ANO2: variants seen among roughly 807,000 people sequenced by gnomAD.
ANO2 encodes the protein anoctamin-2.
A neutral mutation model predicts 124.2 loss-of-function variants in ANO2; 101 were observed. The ratio of observed to expected loss-of-function variants is 0.81; its 90% CI spans 0.69 to 0.96. The LOEUF (loss-of-function observed/expected upper bound fraction) is 0.96, where lower values mean the gene tolerates loss of function less well. ANO2 is among the 40% of genes least tolerant of loss of function. The probability of loss-of-function intolerance (pLI) is 0.00; values close to 1 mark genes in which losing one functional copy is unlikely to be tolerated. For synonymous variants in ANO2, 486 were observed against 482.5 expected (o/e 1.01, Z -0.09); for missense variants, 1,293 against 1,274.5 (o/e 1.01, Z -0.22).
At chr12:5,932,925 CAAAGGAGG>C (rs1347718447) in intron 1 of ANO2, among the ~76,000 whole-genome samples, 1 of 152,126 alleles carries the variant, frequency 6.6e-6, no homozygotes, top group Non-Finnish European at 1.5e-5. Context: ...TACCAATGGG[CAAAGGAGG>C]AAAGGAGACT....
intron 10 of ANO2, among the ~76,000 whole-genome samples, chr12:5,766,838 G>C (rs1468706): frequency 1 from 152,293 of 152,332 alleles, 76,127 homozygotes; most frequent in Non-Finnish European, 1. Context: ...CGGAGACTAA[G>C]CTGCGAGGTG....
At chr12:5,778,643 C>A (rs1210205408) in intron 10 of ANO2, among the ~76,000 whole-genome samples, 1 of 152,106 alleles carries the variant, frequency 6.6e-6, no homozygotes, top group Non-Finnish European at 1.5e-5. Flanking sequence ...GTATATCTTA[C>A]AATCAGCAGA....
chr12:5,749,261 G>A (rs17724056), intron 11 of ANO2, among the ~76,000 whole-genome samples: 1,897 of 152,218 alleles, frequency 0.012, 9 homozygotes, highest in Non-Finnish European at 0.019. Context: ...CTAATGATCC[G>A]CCCAGTGTCC....
chr12:5,838,696 C>A (rs1345662236), intron 4 of ANO2, among the ~76,000 whole-genome samples: 2 of 152,208 alleles, frequency 1.3e-5, no homozygotes, highest in Non-Finnish European at 2.9e-5. Flanking sequence ...TCCTTCCATG[C>A]TTCCTTGGTA....
rs1946029461 is a variant in ANO2 at position 5,636,639 on chromosome 12, C to T, written c.1621-1292G>A. 6.7e-6 allele frequency among the ~76,000 whole-genome samples: 1 copy of T among 150,352 alleles called. No individual in the cohort carries two copies. Among genetic ancestry groups the T allele is most frequent in the African/African-American group, 2.5e-5 (1 of 40,720 alleles). On this transcript the variant is annotated intron_variant, in intron 15 of 24. Transcript: ENST00000682330. This position sits in a 1 kb window ranked among gnomAD's most constrained non-coding sequence, Gnocchi z 4.6. ...ACACACACACACACACACACACACA[C>T]ACACACACACGCATGCACAGGGAGG...
chr12:5,890,162 G>A (rs2136271438), intron 3 of ANO2, among the ~76,000 whole-genome samples: 1 of 152,270 alleles, frequency 6.6e-6, no homozygotes, highest in Admixed American at 6.5e-5. Flanking sequence ...CAGGGGCCTG[G>A]GGAAGATGAC....
At chr12:5,934,964 T>C (rs1362194926) in intron 1 of ANO2, among the ~76,000 whole-genome samples, 1 of 152,166 alleles carries the variant, frequency 6.6e-6, no homozygotes, top group Non-Finnish European at 1.5e-5. Context: ...TAGCTCCCAC[T>C]CTCAGGCTAC....
chr12:5,624,669 G>C (rs1220409713), intron 16 of ANO2, among the ~76,000 whole-genome samples: 1 of 152,104 alleles, frequency 6.6e-6, no homozygotes, highest in Admixed American at 6.5e-5. Context: ...CCTGGTGTTG[G>C]GCCCCAGCTG....
intron 14 of ANO2, among the ~76,000 whole-genome samples, chr12:5,711,933 G>T (rs1028846581): frequency 1.3e-5 from 2 of 152,108 alleles, no homozygotes; most frequent in East Asian, 3.9e-4. Flanking sequence ...CAGAGGTCAT[G>T]GTGTCCAAAT....
chr12:5,827,958 G>T, intron 6 of ANO2, 138 bp from the exon 7 acceptor site: 1 of 875,064 alleles, frequency 1.1e-6, no homozygotes, highest in East Asian at 2.7e-5. Context: ...GCATGTGCCT[G>T]GCTCATGGCC....
intron 1 of ANO2, among the ~76,000 whole-genome samples, chr12:5,933,653 A>G (rs765935883): frequency 1.4e-4 from 22 of 152,230 alleles, no homozygotes; most frequent in African/African-American, 2.2e-4. Context: ...TGAGGCTTAC[A>G]AACAACTTGG....
chr12:5,860,692 T>C (rs1051715233), intron 3 of ANO2, among the ~76,000 whole-genome samples: 9 of 152,192 alleles, frequency 5.9e-5, no homozygotes, highest in African/African-American at 2.2e-4. Flanking sequence ...TACTAAACTT[T>C]CCACCTGACC....
At chr12:5,668,226 C>G (rs1290424961) in intron 14 of ANO2, among the ~76,000 whole-genome samples, 3 of 152,156 alleles carry the variant, frequency 2.0e-5, no homozygotes, top group Non-Finnish European at 4.4e-5. Flanking sequence ...TGTTTTTTGA[C>G]TTTTTAATAG....
chr12:5,693,405 C>T (rs1949026693), intron 14 of ANO2, among the ~76,000 whole-genome samples: 2 of 152,182 alleles, frequency 1.3e-5, no homozygotes, highest in Admixed American at 6.5e-5. Context: ...TAGTCAGCAC[C>T]TGAACCTGTC....
intron 3 of ANO2, among the ~76,000 whole-genome samples, chr12:5,901,803 C>T (rs1940231357): frequency 6.6e-6 from 1 of 152,164 alleles, no homozygotes; most frequent in Non-Finnish European, 1.5e-5. Flanking sequence ...CCTCCTCAGG[C>T]CCACAAGGAA....
chr12:5,878,369 C>G (rs10849353), intron 3 of ANO2, among the ~76,000 whole-genome samples: 70,309 of 151,994 alleles, frequency 0.46, 16,508 homozygotes, highest in South Asian at 0.59. Flanking sequence ...AGGTCTATAG[C>G]ACTTAAGTGC....
chr12:5,747,812 T>C (rs553675643), intron 11 of ANO2, among the ~76,000 whole-genome samples: 2 of 152,364 alleles, frequency 1.3e-5, no homozygotes, highest in South Asian at 4.1e-4. Context: ...GCCCATTAAA[T>C]TGATTCCACA....
At chr12:5,581,189 G>C (rs1344113334) in intron 20 of ANO2, among the ~76,000 whole-genome samples, 1 of 152,226 alleles carries the variant, frequency 6.6e-6, no homozygotes, top group Admixed American at 6.5e-5. Flanking sequence ...CTGTGTTTAA[G>C]TGTATGGATG....
Position 5,591,648 on chromosome 12 carries a change from A to C in ANO2, c.2233+7836T>G, listed in dbSNP as rs112132197. Among the ~76,000 whole-genome samples the C allele has an allele frequency of 8.0e-3, 1,222 of 152,322 alleles. 21 individuals carry two copies. The highest frequency in any genetic ancestry group is 0.023 in the African/African-American group (976 of 41,566). On this transcript the variant is annotated intron_variant, in intron 20 of 24. Transcript: ENST00000682330. ...CTTGGTAGGTCTGACTGGTCTTTAC[A>C]TACATAGGGGAAAAATCTCCTTTAG...
Sources: gnomAD v4.1 joint callset for allele counts (sites outside exome capture counted in the v4.1 genomes callset) on GRCh38, gnomAD v4.1.1 for gene constraint, Gnocchi (gnomAD v3.1) non-coding constraint, MANE v1.5 for transcripts, NCBI Gene and HGNC (gene_info 2026-07-23, HGNC 2026-07-21) for gene names.